The following PRKDC variants were observed in gnomAD, a reference collection of about 807,000 sequenced individuals.
PRKDC encodes the protein DNA-dependent protein kinase catalytic subunit.
PRKDC carries 82 observed loss-of-function variants against 486.9 expected under a neutral mutation model. The observed-to-expected ratio is 0.17, with a 90% confidence interval of 0.14 to 0.20. The LOEUF (loss-of-function observed/expected upper bound fraction) is 0.20, where lower values mean the gene tolerates loss of function less well. Among genes scored for constraint, PRKDC ranks in the 10% least tolerant of loss-of-function variants. PRKDC has a pLI of 1.00. For missense variants in PRKDC, 4,504 were observed against 5,038.2 expected (o/e 0.89, Z 3.21); for synonymous variants, 1,895 against 1,837.0 (o/e 1.03, Z -0.81).
In PRKDC at chr8:47,957,418, A is replaced by C. The variant is rs766570430; in HGVS notation, c.168T>G (p.Ser56=). The change falls in exon 2 of 86, where the codon TCT becomes TCG. Residue 56 remains serine (S), a synonymous_variant. Coordinates refer to ENST00000314191, the MANE Select transcript of PRKDC (RefSeq NM_006904.7). ...AACCGAAATCTCTGGAAAAAACTAA[A>C]GATGTCTGTAATGCTGTTCAAAAAA... ...SSPAVLALQT[S]LVFSRDFGLL... 4 of 1,583,180 alleles carry C rather than the reference A, an allele frequency of 2.5e-6. No individual in the cohort carries two copies. The East Asian group carries it at 9.1e-5, about 36-fold the overall frequency.
At chr8:47,780,714 C>T (rs996404314) in intron 80 of PRKDC, among the ~76,000 whole-genome samples, 11 of 152,026 alleles carry the variant, frequency 7.2e-5, no homozygotes, top group Non-Finnish European at 1.5e-4. Flanking sequence ...CCAATGGGGG[C>T]GGATCACGAG....
intron 38 of PRKDC, 115 bp from the exon 39 acceptor site, chr8:47,879,773 G>A (rs2089170221): frequency 2.5e-6 from 2 of 796,002 alleles, no homozygotes; most frequent in Non-Finnish European, 3.6e-6. Flanking sequence ...ATCAATGAAT[G>A]GCTTCACCAT....
At position 47,774,239 on chromosome 8, in the gene PRKDC, C is replaced by T. The variant is rs192400758; in HGVS notation, c.12321G>A (p.Leu4107=). The part of the protein sequence containing the change: ...GLSEETQVKC[L]MDQATDPNIL... Reference sequence around the variant, plus strand: ...TGTTGGGGTCTGTTGCCTGGTCCATCAGGCACTTCACTTGAGTCTCTTCTG... The same window carrying T: ...TGTTGGGGTCTGTTGCCTGGTCCATTAGGCACTTCACTTGAGTCTCTTCTG... The change falls in exon 86 of 86, where the codon CTG becomes CTA. Residue 4107 remains leucine (L), a synonymous_variant. Transcript: ENST00000314191. 4.7e-5 allele frequency: 75 copies of T among 1,603,860 alleles called. No homozygotes were observed. The East Asian group carries it at 1.5e-3, about 33-fold the overall frequency.
rs367657224 is a variant in PRKDC, at chr8:47,915,809, T to C, written c.2527-391A>G. Among the ~76,000 whole-genome samples, 31 of 152,246 alleles carry C rather than the reference T, an allele frequency of 2.0e-4. 2 individuals carry two copies. The highest frequency in any genetic ancestry group is 8.8e-5 in the Non-Finnish European group (6 of 68,038). ...AGACAGTTTGGTCCTCACACCGATA[T>C]TGCAGTTGGAAAACCAGGCAAGAAA... On this transcript the variant is annotated intron_variant, in intron 22 of 85. Transcript: ENST00000314191.
At chr8:47,887,857 G>T (rs1355533679) in intron 34 of PRKDC, among the ~76,000 whole-genome samples, 152 bp from the exon 35 acceptor site, 1 of 152,118 alleles carries the variant, frequency 6.6e-6, no homozygotes, top group African/African-American at 2.4e-5. Flanking sequence ...CTTTGCTTTT[G>T]TTGTTCTTGC....
Position 47,828,344 on chromosome 8 carries a change from C to A in PRKDC, c.8401G>T (p.Asp2801Tyr). 1.3e-6 allele frequency: 2 copies of A among 1,544,832 alleles called. No individual in the cohort carries two copies. The highest frequency in any genetic ancestry group is 1.7e-6 in the Non-Finnish European group (2 of 1,147,936). ...AAGAGCTGTTTTGCAATTATTGGGT[C>A]CCTCTGTAAAAAATTCAAAACAAAG... Reference protein sequence around the residue: ...ITPLQAVAQRDPIIAKQLFSS... With the variant: ...ITPLQAVAQRYPIIAKQLFSS... The change falls in exon 62 of 86, where the codon GAC (aspartate) becomes TAC (tyrosine). Residue 2801 changes from aspartate (D) to tyrosine (Y), a missense_variant. This residue lies in a region of PRKDC where 1,592 missense variants were observed against 1,724.6 expected (regional missense o/e 0.92). Coordinates refer to ENST00000314191, the MANE Select transcript of PRKDC (RefSeq NM_006904.7).
intron 60 of PRKDC, among the ~76,000 whole-genome samples, chr8:47,831,321 C>T (rs560545898): frequency 6.6e-6 from 1 of 152,232 alleles, no homozygotes; most frequent in Non-Finnish European, 1.5e-5. Flanking sequence ...ACTGGAGCAC[C>T]GCGAGGGATT....
In PRKDC at chr8:47,831,211, G is replaced by A. The variant is rs375514657; in HGVS notation, c.8266-475C>T. Among the ~76,000 whole-genome samples, 39 of 152,298 alleles carry A rather than the reference G, an allele frequency of 2.6e-4. No individual in the cohort carries two copies. The East Asian group carries it at 4.1e-3, about 16-fold the overall frequency. On this transcript the variant is annotated intron_variant, in intron 60 of 85. Coordinates refer to ENST00000314191, the MANE Select transcript of PRKDC (RefSeq NM_006904.7). The stretch of plus-strand genomic sequence containing the variant: ...TCAGGCTCCACAAGCATGGCTGGGC[G>A]GCAGGGCTTGGGGAGGGGGCCGGCA...
Position 47,943,278 on chromosome 8 carries a change from C to T in PRKDC, c.897G>A (p.Lys299=). The change falls in exon 10 of 86, where the codon AAG becomes AAA. Residue 299 remains lysine (K), a synonymous_variant. Coordinates refer to ENST00000314191, the MANE Select transcript of PRKDC (RefSeq NM_006904.7). ...ATTCTACATTTGTGTGGGCACACCA[C>T]TTTAACAAGACTTCAAATAGAGACA... is the stretch of plus-strand genomic sequence containing the variant. ...NYVSLFEVLL[K]WCAHTNVELK... 2 of 1,612,848 alleles carry T rather than the reference C, an allele frequency of 1.2e-6. No individual in the cohort carries two copies. Among genetic ancestry groups the T allele is most frequent in the South Asian group, 1.1e-5 (1 of 90,718 alleles).
intron 68 of PRKDC, among the ~76,000 whole-genome samples, chr8:47,816,211 A>G (rs987229458): frequency 6.8e-4 from 103 of 152,054 alleles, no homozygotes; most frequent in African/African-American, 1.9e-3. Flanking sequence ...TGCATCAAAA[A>G]AAAAAAAATT....
rs375957994 is a variant in PRKDC, at chr8:47,863,393, T to C, written c.5750+6A>G. ...AAATAGAATCCAAAATTAAGTAAAA[T>C]CTTACTTAATCAATGTCTTTGTAAG... On this transcript the variant is annotated splice_donor_region_variant and intron_variant, in intron 42 of 85. Transcript: ENST00000314191. The C allele has an allele frequency of 6.3e-7, 1 of 1,587,278 alleles. No individual in the cohort carries two copies. Among genetic ancestry groups the C allele is most frequent in the Non-Finnish European group, 8.6e-7 (1 of 1,165,430 alleles).
At chr8:47,853,132 G>A (rs1049439711) in intron 51 of PRKDC, among the ~76,000 whole-genome samples, 1 of 152,194 alleles carries the variant, frequency 6.6e-6, no homozygotes. Context: ...TACTATAGCA[G>A]GACAAGGACA....
intron 19 of PRKDC, among the ~76,000 whole-genome samples, 176 bp from the exon 20 acceptor site, chr8:47,928,066 C>T (rs1340852321): frequency 6.6e-6 from 1 of 151,850 alleles, no homozygotes; most frequent in Non-Finnish European, 1.5e-5. Flanking sequence ...TGTCGAAATG[C>T]TTAATACCTA....
intron 26 of PRKDC, among the ~76,000 whole-genome samples, chr8:47,904,059 T>C (rs1430019247): frequency 2.0e-5 from 3 of 152,090 alleles, no homozygotes; most frequent in Non-Finnish European, 2.9e-5. Flanking sequence ...TCAAAATTTA[T>C]AGTAAAATAA....
chr8:47,931,580 A>G (rs1365620841), intron 16 of PRKDC, among the ~76,000 whole-genome samples: 1 of 152,072 alleles, frequency 6.6e-6, no homozygotes, highest in Non-Finnish European at 1.5e-5. Flanking sequence ...GCTACCTATC[A>G]TCCCGCATGA....
chr8:47,893,341 T>C lies in PRKDC; in HGVS notation c.3645A>G (p.Glu1215=). 1.3e-6 allele frequency: 2 copies of C among 1,569,560 alleles called. No individual in the cohort carries two copies. Among genetic ancestry groups the C allele is most frequent in the Non-Finnish European group, 1.7e-6 (2 of 1,151,408 alleles). The change falls in exon 31 of 86, where the codon GAA becomes GAG. Residue 1215 remains glutamate (E), a synonymous_variant. Transcript: ENST00000314191. ...NLWLKDVLKE[E]GVSFLINTFE... is the part of the protein sequence containing the mutation. ...AGGTGTTGATGAGAAAAGAGACACC[T>C]TCTTCCTTGAGAACATCTTTCAGCC... is the stretch of plus-strand genomic sequence containing the variant.
intron 40 of PRKDC, among the ~76,000 whole-genome samples, chr8:47,874,484 A>G (rs1281558208): frequency 1.3e-5 from 2 of 152,214 alleles, no homozygotes; most frequent in Admixed American, 1.3e-4. Flanking sequence ...TGGGCCGAGC[A>G]CTGTGGCTCA....
At chr8:47,868,133 T>C (rs1319735401) in intron 40 of PRKDC, among the ~76,000 whole-genome samples, 1 of 152,224 alleles carries the variant, frequency 6.6e-6, no homozygotes, top group African/African-American at 2.4e-5. Flanking sequence ...GGATACTTAC[T>C]GGTCTATAGT....
At position 47,858,012 on chromosome 8, in the gene PRKDC, C is replaced by T. The variant is rs185169918; in HGVS notation, c.6465+504G>A. On this transcript the variant is annotated intron_variant, in intron 48 of 85. Transcript: ENST00000314191. The stretch of plus-strand genomic sequence containing the variant: ...CTGCTTGGCTCACCCAGGGACCACC[C>T]GTGCTATGCTACTCCTTCCCTGCCT... Among the ~76,000 whole-genome samples, 123 of 152,272 alleles carry T rather than the reference C, an allele frequency of 8.1e-4. 1 individual carries two copies. The highest frequency in any genetic ancestry group is 1.2e-3 in the Non-Finnish European group (84 of 68,012).
Sources: allele counts gnomAD v4.1 joint callset (sites outside exome capture counted in the v4.1 genomes callset), GRCh38; gene constraint gnomAD v4.1.1; regional missense constraint gnomAD v4.1.1; transcripts MANE v1.5; gene names NCBI Gene and HGNC (gene_info 2026-07-23, HGNC 2026-07-21).